GPR143: variants seen among roughly 807,000 people sequenced by gnomAD.
GPR143 encodes G-protein coupled receptor 143.
Under a neutral mutation model 27.6 loss-of-function variants are expected in GPR143, and 8 were observed. The ratio of observed to expected loss-of-function variants is 0.29; its 90% CI spans 0.17 to 0.52. The LOEUF is 0.52. GPR143 is among the 20% of genes least tolerant of loss of function. The probability of loss-of-function intolerance (pLI) is 0.96; values close to 1 mark genes in which losing one functional copy is unlikely to be tolerated. For missense variants in GPR143, 303 were observed against 343.1 expected (o/e 0.88, Z 0.92); for synonymous variants, 156 against 153.2 (o/e 1.02, Z -0.13).
chrX:9,741,480 G>T, intron 6 of GPR143, 25 bp from the exon 7 acceptor site: 1 of 739,270 alleles, frequency 1.4e-6, no homozygotes, highest in Non-Finnish European at 2.1e-6. Flanking sequence ...ATGGCAGCAG[G>T]TAAAGAGAAC....
In GPR143 at chrX:9,760,833, G is replaced by C; in HGVS notation, c.251-7C>G. 1 of 983,434 alleles carries C rather than the reference G, an allele frequency of 1.0e-6. No homozygotes were observed. Among genetic ancestry groups the C allele is most frequent in the South Asian group, 2.0e-5 (1 of 49,636 alleles). The allele number at this position is 983,434 out of a possible 1,213,427, so 81.0% of individuals were successfully genotyped here. A position where few individuals can be genotyped will look rare whatever the true frequency, so the allele number is the denominator to read the frequency against. ...GTGGACCGGATCACCATACCTAAGAGAGAATTGGATAATACTTTGTATCTG... is the reference window on the plus strand; with the variant it reads ...GTGGACCGGATCACCATACCTAAGACAGAATTGGATAATACTTTGTATCTG... On this transcript the variant is annotated splice_polypyrimidine_tract_variant and splice_region_variant and intron_variant, in intron 1 of 8. Transcript: ENST00000467482.
At chrX:9,731,664 G>C (rs1323439398) in intron 8 of GPR143, among the ~76,000 whole-genome samples, 1 of 110,899 alleles carries the variant, frequency 9.0e-6, no homozygotes, top group Non-Finnish European at 1.9e-5. Flanking sequence ...TTTGGGGAGA[G>C]CCAGGGAAGT....
At chrX:9,755,457 AAAG>A (rs2083469839) in intron 3 of GPR143, among the ~76,000 whole-genome samples, 1 of 110,398 alleles carries the variant, frequency 9.1e-6, no homozygotes, top group Non-Finnish European at 1.9e-5. Flanking sequence ...AAAAAAAAGA[AAAG>A]AAAAAAGAAA....
chrX:9,732,933 A>ATTGT (rs1238394202), intron 8 of GPR143, among the ~76,000 whole-genome samples: 2 of 110,473 alleles, frequency 1.8e-5, no homozygotes, highest in East Asian at 5.6e-4. Flanking sequence ...GAAAGAAGAA[A>ATTGT]TTGTTAGAGA....
chrX:9,755,372 C>A (rs1213259124), intron 3 of GPR143, among the ~76,000 whole-genome samples: 1 of 110,981 alleles, frequency 9.0e-6, no homozygotes, highest in Non-Finnish European at 1.9e-5. Flanking sequence ...GAGCCAAGAT[C>A]GTGCCATTGC....
At chrX:9,761,908 C>T (rs933603931) in intron 1 of GPR143, among the ~76,000 whole-genome samples, 1 of 110,206 alleles carries the variant, frequency 9.1e-6, no homozygotes, top group Non-Finnish European at 1.9e-5. Flanking sequence ...ACCAGCCTGG[C>T]AAAACCCCAT....
At chrX:9,748,480 C>A in intron 4 of GPR143, 94 bp downstream of exon 4, 2 of 607,191 alleles carry the variant, frequency 3.3e-6, no homozygotes, top group Non-Finnish European at 5.6e-6. Flanking sequence ...CTCCAAGGCA[C>A]CCACTCTGTG....
chrX:9,764,936 A>G (rs4830653), intron 1 of GPR143, among the ~76,000 whole-genome samples: 18,170 of 106,750 alleles, frequency 0.17, 1,253 homozygotes, highest in African/African-American at 0.21. Flanking sequence ...AGGCAAGAGA[A>G]TCCCTTGAAC....
At chrX:9,761,565 A>G (rs2146701815) in intron 1 of GPR143, among the ~76,000 whole-genome samples, 1 of 112,568 alleles carries the variant, frequency 8.9e-6, no homozygotes, top group East Asian at 2.8e-4. Flanking sequence ...TATTCCTCAC[A>G]TAAAAAAGAA....
intron 3 of GPR143, among the ~76,000 whole-genome samples, chrX:9,752,236 A>G (rs2083454344): frequency 9.0e-6 from 1 of 111,517 alleles, no homozygotes; most frequent in African/African-American, 3.3e-5. Context: ...TAACTTTTTT[A>G]TTTTTATTTT....
intron 1 of GPR143, among the ~76,000 whole-genome samples, chrX:9,776,234 T>TA (rs2083570475): frequency 8.9e-6 from 1 of 112,143 alleles, no homozygotes; most frequent in Non-Finnish European, 1.9e-5. Context: ...GGCACTAACA[T>TA]ACCCAGTGTG....
intron 1 of GPR143, among the ~76,000 whole-genome samples, chrX:9,774,113 CT>C (rs1467111998): frequency 9.8e-6 from 1 of 101,626 alleles, no homozygotes; most frequent in African/African-American, 3.6e-5. Flanking sequence ...GGCGAGACCC[CT>C]TCCCACACCT....
intron 3 of GPR143, among the ~76,000 whole-genome samples, chrX:9,758,434 A>T (rs1012145610): frequency 2.7e-5 from 3 of 111,628 alleles, no homozygotes; most frequent in African/African-American, 9.8e-5. Context: ...CAACAGTTAC[A>T]CAGCTCACGA....
intron 3 of GPR143, among the ~76,000 whole-genome samples, chrX:9,750,306 C>T (rs765872686): frequency 2.7e-5 from 3 of 111,480 alleles, no homozygotes; most frequent in Non-Finnish European, 3.8e-5. Flanking sequence ...AATTCCTAGG[C>T]GTAAGCAACC....
Position 9,765,783 on chromosome X carries a change from G to A in GPR143, c.35C>T (p.Pro12Leu). The change falls in exon 1 of 9, where the codon CCC becomes CTC. Residue 12 changes from proline to leucine, a missense_variant. Pro to Leu is a moderately conservative substitution (Grantham distance 98). Coordinates refer to ENST00000467482, the MANE Select transcript of GPR143 (RefSeq NM_000273.3). ...ASPRLGTFCC[P>L]TRDAATQLVL... Reference sequence around the variant, plus strand: ...GAGCTGCGTGGCTGCGTCCCGCGTGGGGCAGCAGAAGGTCCCTAGGCGCGG... The same window carrying A: ...GAGCTGCGTGGCTGCGTCCCGCGTGAGGCAGCAGAAGGTCCCTAGGCGCGG... 8.9e-7 allele frequency: 1 copy of A among 1,123,129 alleles called. No homozygotes were observed. The highest frequency in any genetic ancestry group is 1.2e-6 in the Non-Finnish European group (1 of 855,514). 92.6% of individuals were successfully genotyped at this position (1,123,129 alleles called of 1,213,427 possible). A position where few individuals can be genotyped will look rare whatever the true frequency, so the allele number is the denominator to read the frequency against.
intron 1 of GPR143, among the ~76,000 whole-genome samples, chrX:9,778,045 C>T (rs750834653): frequency 1.8e-5 from 2 of 109,925 alleles, no homozygotes; most frequent in Admixed American, 9.7e-5. Flanking sequence ...GAGCTGAGAT[C>T]GCGCCACTGC....
At chrX:9,756,444 G>A (rs776347661) in intron 3 of GPR143, among the ~76,000 whole-genome samples, 1 of 112,415 alleles carries the variant, frequency 8.9e-6, no homozygotes, top group Non-Finnish European at 1.9e-5. Context: ...TCAAGTAGGT[G>A]TAAAGACAAA....
chrX:9,741,437 G>T lies in GPR143; in HGVS notation c.786C>A (p.Ile262=). The T allele has an allele frequency of 9.3e-7, 1 of 1,077,789 alleles. No homozygotes were observed. The highest frequency in any genetic ancestry group is 2.2e-5 in the Admixed American group (1 of 45,805). The allele number at this position is 1,077,789 out of a possible 1,213,427, so 88.8% of individuals were successfully genotyped here. ...VLIICWLSNI[I]NESLLFYLEM... Reference sequence around the variant, plus strand: ...CAAGATAGAATAAAAGGCTTTCATTGATGATATTCGACAACCAACTGTTAG... The same window carrying T: ...CAAGATAGAATAAAAGGCTTTCATTTATGATATTCGACAACCAACTGTTAG... Residue 262 remains isoleucine, a synonymous_variant, in exon 7 of 9, where the codon ATC becomes ATA. Transcript: ENST00000467482.
At chrX:9,749,124 C>A (rs1162329840) in intron 3 of GPR143, among the ~76,000 whole-genome samples, 14 of 111,706 alleles carry the variant, frequency 1.3e-4, no homozygotes, top group African/African-American at 4.6e-4. Flanking sequence ...CGGAAATGAC[C>A]AGGTGGAGGT....
Sources: gnomAD v4.1 joint callset for allele counts (sites outside exome capture counted in the v4.1 genomes callset) on GRCh38, gnomAD v4.1.1 for gene constraint, MANE v1.5 for transcripts, NCBI Gene and HGNC (gene_info 2026-07-23, HGNC 2026-07-21) for gene names.